Variants in CMIP observed in about 807,000 individuals in gnomAD.
CMIP encodes the protein c-Maf inducing protein.
In CMIP, 13 loss-of-function variants were observed where a neutral mutation model predicts 97.3. The observed-to-expected ratio is 0.13, with a 90% CI of 0.09 to 0.21. The LOEUF (loss-of-function observed/expected upper bound fraction) is 0.21. CMIP is among the 10% of genes least tolerant of loss of function. The probability of loss-of-function intolerance (pLI) is 1.00; values close to 1 mark genes in which losing one functional copy is unlikely to be tolerated. For missense variants in CMIP, 847 were observed against 1,024.9 expected, an observed-to-expected ratio of 0.83 and a Z score of 2.37; for synonymous variants, 538 against 436.3, an observed-to-expected ratio of 1.23 and a Z score of -2.91.
intron 1 of CMIP, among the ~76,000 whole-genome samples, chr16:81,523,025 C>T (rs2090058539): frequency 6.6e-6 from 1 of 152,120 alleles, no homozygotes; most frequent in Non-Finnish European, 1.5e-5. Context: ...CTCTGAGGCT[C>T]AAGTGATCCT....
At chr16:81,602,031 A>G (rs1178836287) in intron 1 of CMIP, among the ~76,000 whole-genome samples, 1 of 152,214 alleles carries the variant, frequency 6.6e-6, no homozygotes. Flanking sequence ...ATCTGGCCTA[A>G]GGAAATAATC....
intron 1 of CMIP, among the ~76,000 whole-genome samples, chr16:81,502,538 G>A (rs968211585): frequency 2.0e-5 from 3 of 152,090 alleles, no homozygotes; most frequent in Non-Finnish European, 4.4e-5. Flanking sequence ...GCGATCCATG[G>A]GCCTGTCACG....
chr16:81,514,361 G>C (rs1482531005), intron 1 of CMIP, among the ~76,000 whole-genome samples: 1 of 152,172 alleles, frequency 6.6e-6, no homozygotes, highest in African/African-American at 2.4e-5. Flanking sequence ...CATGAGGAGG[G>C]AGGAAGAGGC....
At chr16:81,541,917 C>T (rs769297856) in intron 1 of CMIP, among the ~76,000 whole-genome samples, 4 of 152,302 alleles carry the variant, frequency 2.6e-5, no homozygotes, top group East Asian at 1.9e-4. Flanking sequence ...TTAGCAAAAA[C>T]GAAATGTCTA....
intron 1 of CMIP, among the ~76,000 whole-genome samples, chr16:81,488,024 T>C (rs1452196666): frequency 6.6e-6 from 1 of 152,204 alleles, no homozygotes; most frequent in Non-Finnish European, 1.5e-5. Flanking sequence ...TAATTATTAT[T>C]TTATTTTATT....
At chr16:81,471,078 C>T (rs75102827) in intron 1 of CMIP, among the ~76,000 whole-genome samples, 10,318 of 152,222 alleles carry the variant, frequency 0.068, 396 homozygotes, top group South Asian at 0.11. Context: ...AATATACCCA[C>T]ATGCACACAC....
chr16:81,568,075 CTG>C (rs2091016619), intron 1 of CMIP, among the ~76,000 whole-genome samples: 1 of 120,582 alleles, frequency 8.3e-6, no homozygotes, highest in Admixed American at 1.0e-4. Context: ...CTGGAAGAAA[CTG>C]TACAGAAAAG....
At chr16:81,480,749 C>G (rs1394902253) in intron 1 of CMIP, among the ~76,000 whole-genome samples, 2 of 152,180 alleles carry the variant, frequency 1.3e-5, no homozygotes, top group African/African-American at 4.8e-5. Flanking sequence ...CTCATTTTAC[C>G]TTTACAGCCA....
At chr16:81,486,077 C>T (rs2089309739) in intron 1 of CMIP, among the ~76,000 whole-genome samples, 2 of 152,352 alleles carry the variant, frequency 1.3e-5, no homozygotes, top group South Asian at 2.1e-4. Context: ...AAAGGCCACA[C>T]GCAAGGCCAT....
chr16:81,602,424 G>T (rs1049754889), intron 1 of CMIP, among the ~76,000 whole-genome samples: 1 of 152,218 alleles, frequency 6.6e-6, no homozygotes, highest in African/African-American at 2.4e-5. Flanking sequence ...TTCACGCATT[G>T]CCTTTTTCAG....
chr16:81,528,850 A>G (rs1343571586), intron 1 of CMIP, among the ~76,000 whole-genome samples: 1 of 152,084 alleles, frequency 6.6e-6, no homozygotes, highest in Admixed American at 6.6e-5. Flanking sequence ...CACTCAACAA[A>G]TATTTGGTGA....
Position 81,671,989 on chromosome 16 carries a change from G to GC in CMIP, c.958dup (p.His320ProfsTer21). 1 of 1,596,174 alleles carries GC rather than the reference G, an allele frequency of 6.3e-7. No homozygotes were observed. Reference sequence around the variant, plus strand: ...AGCATGCACGGCCCCACAGGGCACTGCCCCCACCCCCGGGTCCTGCCCAAC... The same window carrying GC: ...AGCATGCACGGCCCCACAGGGCACTGCCCCCCACCCCCGGGTCCTGCCCAAC... On this transcript the variant is annotated frameshift_variant, in exon 9 of 21. Transcript: ENST00000537098. LOFTEE classifies it high-confidence loss of function.
At chr16:81,460,623 C>T (rs867925706) in intron 1 of CMIP, among the ~76,000 whole-genome samples, 82 of 152,170 alleles carry the variant, frequency 5.4e-4, no homozygotes, top group African/African-American at 1.9e-3. Context: ...AATATATTGT[C>T]CTTTTGTGAA....
At chr16:81,689,785 T>G (rs1905843118) in intron 10 of CMIP, among the ~76,000 whole-genome samples, 1 of 152,264 alleles carries the variant, frequency 6.6e-6, no homozygotes. Context: ...ATTATGGTTT[T>G]AGGTCTAACA....
At chr16:81,591,710 C>T (rs539552046) in intron 1 of CMIP, among the ~76,000 whole-genome samples, 7 of 152,164 alleles carry the variant, frequency 4.6e-5, no homozygotes, top group African/African-American at 1.2e-4. Context: ...CATGGAGATG[C>T]TCCCCATCTT....
At chr16:81,482,200 C>T (rs959369845) in intron 1 of CMIP, among the ~76,000 whole-genome samples, 2 of 152,104 alleles carry the variant, frequency 1.3e-5, no homozygotes, top group Admixed American at 6.5e-5. Flanking sequence ...TATAAGGACC[C>T]TGTGGTTACA....
chr16:81,521,356 T>C (rs1327670456), intron 1 of CMIP, among the ~76,000 whole-genome samples: 2 of 130,320 alleles, frequency 1.5e-5, no homozygotes, highest in East Asian at 4.7e-4. Context: ...GTTTTAGTTA[T>C]CTGGTGGCTT....
At chr16:81,568,705 A>G (rs1418368260) in intron 1 of CMIP, among the ~76,000 whole-genome samples, 2 of 152,204 alleles carry the variant, frequency 1.3e-5, no homozygotes, top group African/African-American at 4.8e-5. Context: ...GTTCTGTTCA[A>G]GAAGACAGAA....
At chr16:81,695,874 G>C (rs1040336018) in intron 13 of CMIP, 1 of 153,158 alleles carries the variant, frequency 6.5e-6, no homozygotes, top group African/African-American at 2.4e-5. Flanking sequence ...AAGGAAGTGG[G>C]GATGAGACCT....
Sources: allele counts gnomAD v4.1 joint callset (sites outside exome capture counted in the v4.1 genomes callset), GRCh38; gene constraint gnomAD v4.1.1; transcripts MANE v1.5; gene names NCBI Gene and HGNC (gene_info 2026-07-23, HGNC 2026-07-21).